LRGUK: variants seen among roughly 807,000 people sequenced by gnomAD.
LRGUK encodes the protein leucine-rich repeat and guanylate kinase domain-containing protein.
LRGUK carries 65 observed loss-of-function variants against 76.0 expected under a neutral mutation model. The ratio of observed to expected loss-of-function variants is 0.85; its 90% CI spans 0.70 to 1.05. The LOEUF is 1.05. Ranked by LOEUF, LRGUK falls within the 50% of genes least tolerant of loss-of-function variation. LRGUK has a pLI of 0.00. For synonymous variants in LRGUK, 268 were observed against 265.6 expected, an observed-to-expected ratio of 1.01 and a Z score of -0.09; for missense variants, 758 against 732.8, an observed-to-expected ratio of 1.03 and a Z score of -0.40.
chr7:134,152,966 AAG>A (rs1344584559), intron 5 of LRGUK, among the ~76,000 whole-genome samples: 1 of 22,564 alleles, frequency 4.4e-5, no homozygotes, highest in African/African-American at 2.7e-4. Flanking sequence ...GGGAAGAAGA[AAG>A]AGACAACTGA....
chr7:134,205,094 G>A (rs1800944622), intron 15 of LRGUK, among the ~76,000 whole-genome samples: 1 of 152,224 alleles, frequency 6.6e-6, no homozygotes, highest in African/African-American at 2.4e-5. Flanking sequence ...TGCCGCTGCT[G>A]GCGGGGGTGG....
chr7:134,135,474 A>G (rs557088810), intron 1 of LRGUK, among the ~76,000 whole-genome samples: 6 of 152,236 alleles, frequency 3.9e-5, no homozygotes, highest in Admixed American at 3.3e-4. Flanking sequence ...CCTTCAGCTC[A>G]AAATAATCAA....
the LRGUK span, among the ~76,000 whole-genome samples, chr7:134,275,615 G>A: frequency 1.3e-5 from 2 of 152,094 alleles, no homozygotes; most frequent in African/African-American, 4.8e-5. Flanking sequence ...AGTTACCCTT[G>A]TTAATGTTGA....
chr7:134,221,699 T>C (rs1037923800), intron 15 of LRGUK, 80 bp from the exon 16 acceptor site: 2 of 1,179,896 alleles, frequency 1.7e-6, no homozygotes, highest in Admixed American at 3.2e-5. Flanking sequence ...TTTGGGCAAA[T>C]AAAAATATAA....
intron 12 of LRGUK, among the ~76,000 whole-genome samples, chr7:134,193,512 C>A (rs1330974511): frequency 6.6e-6 from 1 of 152,148 alleles, no homozygotes; most frequent in Non-Finnish European, 1.5e-5. Context: ...CACTACACTT[C>A]TATACTATAT....
At chr7:134,140,840 A>C (rs752131803) in intron 3 of LRGUK, among the ~76,000 whole-genome samples, 22 of 152,216 alleles carry the variant, frequency 1.4e-4, no homozygotes, top group Non-Finnish European at 1.9e-4. Flanking sequence ...ATTACAAAGC[A>C]CAAATAGAAT....
chr7:134,201,207 G>A (rs756793009), intron 14 of LRGUK, among the ~76,000 whole-genome samples: 18 of 152,114 alleles, frequency 1.2e-4, no homozygotes, highest in Non-Finnish European at 1.8e-4. Context: ...AAGTCAACCC[G>A]TTAATAACCT....
intron 16 of LRGUK, among the ~76,000 whole-genome samples, chr7:134,229,255 T>C (rs1040642613): frequency 3.3e-5 from 5 of 151,554 alleles, no homozygotes; most frequent in African/African-American, 1.2e-4. Flanking sequence ...CCCAGCTACA[T>C]GGGAGGCTGA....
At chr7:134,141,769 A>T (rs1332388363) in intron 3 of LRGUK, 1 of 152,180 alleles carries the variant, frequency 6.6e-6, no homozygotes, top group Non-Finnish European at 1.5e-5. Context: ...ACAAATCGAT[A>T]CCACTTGGAA....
At chr7:134,192,020 T>C (rs577050169) in intron 12 of LRGUK, among the ~76,000 whole-genome samples, 29 of 152,254 alleles carry the variant, frequency 1.9e-4, no homozygotes, top group African/African-American at 7.0e-4. Flanking sequence ...TAAAGCAGTA[T>C]GAAAAATTCT....
chr7:134,263,114 T>G (rs1802778429), intron 19 of LRGUK, among the ~76,000 whole-genome samples: 1 of 152,212 alleles, frequency 6.6e-6, no homozygotes, highest in Non-Finnish European at 1.5e-5. Flanking sequence ...TTGGTTTGAT[T>G]TGGCCAATAG....
At chr7:134,256,045 G>T (rs1455501293) in intron 18 of LRGUK, among the ~76,000 whole-genome samples, 2 of 152,050 alleles carry the variant, frequency 1.3e-5, no homozygotes, top group African/African-American at 4.8e-5. Context: ...CACATCACTT[G>T]GGTTATGGCG....
chr7:134,135,510 C>T (rs184190728), intron 1 of LRGUK, among the ~76,000 whole-genome samples: 25 of 152,232 alleles, frequency 1.6e-4, no homozygotes, highest in South Asian at 1.2e-3. Flanking sequence ...TATTTTACAG[C>T]GACATGTCCT....
chr7:134,276,052 T>C, the LRGUK span, among the ~76,000 whole-genome samples: 1 of 152,188 alleles, frequency 6.6e-6, no homozygotes, highest in Non-Finnish European at 1.5e-5. Flanking sequence ...GTCAAACAAT[T>C]GCTCAGAAGC....
At chr7:134,219,673 C>G (rs558682118) in intron 15 of LRGUK, among the ~76,000 whole-genome samples, 1 of 152,002 alleles carries the variant, frequency 6.6e-6, no homozygotes, top group East Asian at 1.9e-4. Flanking sequence ...CAGGATGCAC[C>G]TCCTTTGTCT....
downstream of LRGUK, among the ~76,000 whole-genome samples, chr7:134,213,830 T>G (rs1801359911): frequency 6.6e-6 from 1 of 152,202 alleles, no homozygotes; most frequent in Non-Finnish European, 1.5e-5. Context: ...AAACCTCTGA[T>G]TTTTACACAT....
chr7:134,185,420 G>A (rs1242090910), intron 11 of LRGUK, among the ~76,000 whole-genome samples: 1 of 151,912 alleles, frequency 6.6e-6, no homozygotes, highest in Non-Finnish European at 1.5e-5. Context: ...AATTAGCTGG[G>A]TGTGTTGGCG....
chr7:134,210,338 G>A (rs181809054), downstream of LRGUK: 91 of 398,372 alleles, frequency 2.3e-4, no homozygotes, highest in African/African-American at 1.4e-3. Context: ...TTCCTGAGCC[G>A]CCCCACGCCG....
intron 16 of LRGUK, among the ~76,000 whole-genome samples, chr7:134,229,233 C>T (rs1417074183): frequency 6.6e-6 from 1 of 151,976 alleles, no homozygotes; most frequent in Non-Finnish European, 1.5e-5. Context: ...CATAGTGGCA[C>T]ACGTCTGCAG....
Sources: gnomAD v4.1 joint callset for allele counts (sites outside exome capture counted in the v4.1 genomes callset) on GRCh38, gnomAD v4.1.1 for gene constraint, MANE v1.5 for transcripts, NCBI Gene and HGNC (gene_info 2026-07-23, HGNC 2026-07-21) for gene names.